The following ELAVL4 variants were observed in gnomAD, a reference collection of about 807,000 sequenced individuals.
ELAVL4 encodes the protein ELAV like RNA binding protein 4.
A neutral mutation model predicts 35.6 loss-of-function variants in ELAVL4; 1 was observed. That is an observed-to-expected ratio of 0.03 (90% CI 0.01 to 0.13). The LOEUF (loss-of-function observed/expected upper bound fraction) is 0.13, where lower values mean the gene tolerates loss of function less well. Ranked by LOEUF, ELAVL4 falls within the 10% of genes least tolerant of loss-of-function variation. The pLI is 1.00. For synonymous variants in ELAVL4, 156 were observed against 171.0 expected (o/e 0.91, Z 0.69); for missense variants, 267 against 464.9 (o/e 0.57, Z 3.91).
chr1:50,190,074 G>A (rs1164348275), intron 3 of ELAVL4, among the ~76,000 whole-genome samples: 1 of 152,228 alleles, frequency 6.6e-6, no homozygotes, highest in African/African-American at 2.4e-5. Context: ...TACCCAGAGA[G>A]AGGAGTGGCT....
chr1:50,143,588 G>A (rs948108777), intron 1 of ELAVL4, among the ~76,000 whole-genome samples: 4 of 152,164 alleles, frequency 2.6e-5, no homozygotes, highest in Non-Finnish European at 5.9e-5. Context: ...GGAAAATGAA[G>A]ACTCTTAGGA....
chr1:50,109,583 A>T (rs1666711564), intron 1 of ELAVL4: 1 of 389,710 alleles, frequency 2.6e-6, no homozygotes, highest in East Asian at 4.7e-5. Context: ...CTGGGGGTGG[A>T]TGCAGCGGGG....
chr1:50,161,678 G>A (rs549897592), intron 2 of ELAVL4, among the ~76,000 whole-genome samples: 27 of 152,196 alleles, frequency 1.8e-4, no homozygotes, highest in Non-Finnish European at 3.4e-4. Flanking sequence ...AAGGGTGGGG[G>A]AGTGGAAGAC....
intron 3 of ELAVL4, among the ~76,000 whole-genome samples, chr1:50,192,515 G>GCACACA (rs1220189674): frequency 8.2e-4 from 66 of 80,342 alleles, no homozygotes; most frequent in East Asian, 2.1e-3. Flanking sequence ...GCTTTTGTGT[G>GCACACA]CACGCACACA....
intron 1 of ELAVL4, among the ~76,000 whole-genome samples, chr1:50,071,670 G>A (rs1382154091): frequency 2.6e-5 from 4 of 152,186 alleles, no homozygotes; most frequent in Non-Finnish European, 5.9e-5. Flanking sequence ...AACACCAAGA[G>A]CTGTATCTGA....
chr1:50,109,644 T>G (rs1666723772), intron 1 of ELAVL4: 1 of 446,880 alleles, frequency 2.2e-6, no homozygotes. Context: ...GAGAGGCAGC[T>G]CCTGGATACT....
chr1:50,106,495 G>A, upstream of ELAVL4: 1 of 842,062 alleles, frequency 1.2e-6, no homozygotes, highest in Non-Finnish European at 1.9e-6. Flanking sequence ...TGTGGTGGTG[G>A]ATTGTGGCAG....
intron 1 of ELAVL4, among the ~76,000 whole-genome samples, chr1:50,121,117 T>C (rs1187094730): frequency 3.3e-5 from 5 of 152,052 alleles, no homozygotes; most frequent in Non-Finnish European, 7.4e-5. Context: ...TGTTGGGGGT[T>C]TTGTTTTTAT....
At chr1:50,081,516 C>G (rs1665004423) in intron 1 of ELAVL4, among the ~76,000 whole-genome samples, 1 of 152,230 alleles carries the variant, frequency 6.6e-6, no homozygotes, top group Non-Finnish European at 1.5e-5. Flanking sequence ...CATCCAGATT[C>G]TGATTCAGTG....
At chr1:50,106,285 A>G (rs760997069), upstream of ELAVL4, 3 of 1,608,980 alleles carry the variant, frequency 1.9e-6, no homozygotes, top group East Asian at 2.2e-5. Flanking sequence ...TGATGCTGAG[A>G]TATCTGCAAC....
chr1:50,080,659 G>A (rs577946372), intron 1 of ELAVL4, among the ~76,000 whole-genome samples: 2 of 152,214 alleles, frequency 1.3e-5, no homozygotes, highest in East Asian at 1.9e-4. Flanking sequence ...TTATGCTGCT[G>A]TGTCTTTGGG....
At chr1:50,126,897 A>AT (rs1362414637) in intron 1 of ELAVL4, among the ~76,000 whole-genome samples, 27 of 152,046 alleles carry the variant, frequency 1.8e-4, no homozygotes, top group East Asian at 7.8e-4. Context: ...AACTTTAAAT[A>AT]TTTTTTTCCT....
chr1:50,144,463 C>G (rs549810715), intron 1 of ELAVL4: 18 of 394,648 alleles, frequency 4.6e-5, no homozygotes, highest in South Asian at 3.6e-4. Flanking sequence ...AAATTTAAAC[C>G]CTTCCCATAT....
chr1:50,068,216 T>A (rs1190862924), intron 1 of ELAVL4, among the ~76,000 whole-genome samples: 16 of 152,034 alleles, frequency 1.1e-4, no homozygotes, highest in Admixed American at 1.0e-3. Context: ...GAGATAGGGG[T>A]GGCAAATTGA....
intron 1 of ELAVL4, among the ~76,000 whole-genome samples, chr1:50,091,589 C>T (rs1304986704): frequency 6.6e-6 from 1 of 152,170 alleles, no homozygotes; most frequent in Non-Finnish European, 1.5e-5. Context: ...AGACTCCCAA[C>T]ACAGAAATTT....
chr1:50,105,071 T>G (rs941118407), upstream of ELAVL4, among the ~76,000 whole-genome samples: 2 of 152,252 alleles, frequency 1.3e-5, no homozygotes, highest in African/African-American at 4.8e-5. Flanking sequence ...AGAGGCTTAA[T>G]ATTTTGTATT....
At chr1:50,060,857 C>T (rs1038898466) in intron 1 of ELAVL4, among the ~76,000 whole-genome samples, 1 of 152,210 alleles carries the variant, frequency 6.6e-6, no homozygotes. Context: ...GCCAGGTACC[C>T]TGAGTGCCTT....
At chr1:50,194,415 C>T (rs554807448) in intron 4 of ELAVL4, among the ~76,000 whole-genome samples, 1 of 152,340 alleles carries the variant, frequency 6.6e-6, no homozygotes, top group South Asian at 2.1e-4. Context: ...GGATCTGGTA[C>T]TGGTGTTCTT....
chr1:50,093,153 G>A (rs1665566268), intron 1 of ELAVL4, among the ~76,000 whole-genome samples: 1 of 152,206 alleles, frequency 6.6e-6, no homozygotes, highest in African/African-American at 2.4e-5. Context: ...TCCAGACAGA[G>A]AGAGAATAGC....
Sources: allele counts gnomAD v4.1 joint callset (sites outside exome capture counted in the v4.1 genomes callset), GRCh38; gene constraint gnomAD v4.1.1; transcripts MANE v1.5; gene names NCBI Gene and HGNC (gene_info 2026-07-23, HGNC 2026-07-21).